DNAI7: variants seen among roughly 807,000 people sequenced by gnomAD.
DNAI7 encodes the protein cancer susceptibility 1.
DNAI7 carries 78 observed loss-of-function variants against 86.6 expected under a neutral mutation model. The observed-to-expected ratio is 0.90, with a 90% CI of 0.75 to 1.09. The LOEUF (loss-of-function observed/expected upper bound fraction) is 1.09, where lower values mean the gene tolerates loss of function less well. DNAI7 is among the 50% of genes least tolerant of loss of function. The probability of loss-of-function intolerance (pLI) is 0.00; values close to 1 mark genes in which losing one functional copy is unlikely to be tolerated. For missense variants in DNAI7, 753 were observed against 810.2 expected (o/e 0.93, Z 0.86); for synonymous variants, 274 against 273.0 (o/e 1.00, Z -0.04).
intron 4 of DNAI7, 138 bp from the exon 5 acceptor site, chr12:25,155,550 A>G (rs759096506): frequency 3.5e-5 from 17 of 486,512 alleles, no homozygotes; most frequent in East Asian, 3.3e-5. Context: ...AATATAACTG[A>G]TATCTCCAAA....
chr12:25,159,186 C>T (rs1946562027), intron 3 of DNAI7, among the ~76,000 whole-genome samples: 1 of 149,462 alleles, frequency 6.7e-6, no homozygotes. Flanking sequence ...AGGAGTGGCT[C>T]CCTTGAGCAC....
At chr12:25,157,693 T>C (rs921511678) in intron 4 of DNAI7, among the ~76,000 whole-genome samples, 1 of 152,246 alleles carries the variant, frequency 6.6e-6, no homozygotes, top group African/African-American at 2.4e-5. Context: ...CACATAAACA[T>C]AAGCTCCTTG....
chr12:25,184,770 C>T (rs575937482), intron 2 of DNAI7, among the ~76,000 whole-genome samples: 1 of 152,260 alleles, frequency 6.6e-6, no homozygotes, highest in South Asian at 2.1e-4. Context: ...ATTCCACTGT[C>T]TGGCTTTCAT....
At position 25,108,586 on chromosome 12, in the gene DNAI7, G is replaced by A. The variant is rs761355620; in HGVS notation, c.2131C>T (p.His711Tyr). The A allele has an allele frequency of 1.9e-6, 3 of 1,613,700 alleles. No homozygotes were observed. Among genetic ancestry groups the A allele is most frequent in the Non-Finnish European group, 2.5e-6 (3 of 1,179,836 alleles). ...SNCQFVNSVC[H>Y]MLLSTRLLSY... ...AGCAATCTGGTAGAGAGCAGCATGT[G>A]GCACACAGAGTTGACAAACTGACAG... Residue 711 changes from histidine to tyrosine, a missense_variant, in exon 16 of 16, where the codon CAC becomes TAC. His to Tyr is a moderately conservative substitution (Grantham distance 83). Coordinates refer to ENST00000395987, the MANE Select transcript of DNAI7 (RefSeq NM_018272.5).
intron 3 of DNAI7, among the ~76,000 whole-genome samples, chr12:25,160,329 AAT>A (rs1946696392): frequency 6.6e-6 from 1 of 152,228 alleles, no homozygotes; most frequent in South Asian, 2.1e-4. Flanking sequence ...TCAAAGAATT[AAT>A]ATGTCAGTAT....
At chr12:25,115,729 G>C (rs1243164146) in intron 12 of DNAI7, among the ~76,000 whole-genome samples, 2 of 152,184 alleles carry the variant, frequency 1.3e-5, no homozygotes, top group African/African-American at 4.8e-5. Flanking sequence ...ATGTAAAATG[G>C]TACGGCTACT....
chr12:25,108,838 A>AAAAAAAAAAAAAAAAAAAC lies in DNAI7; in HGVS notation c.1894-16_1894-15insGTTTTTTTTTTTTTTTTTT. ...TGTTCCCTCACCTAAAAAAAAAAAA[A>AAAAAAAAAAAAAAAAAAAC]ATTCAAGCAAGTTGTTAATAATTCC... is the stretch of plus-strand genomic sequence containing the variant. On this transcript the variant is annotated splice_polypyrimidine_tract_variant and intron_variant, in intron 15 of 15. Transcript: ENST00000395987. The AAAAAAAAAAAAAAAAAAAC allele has an allele frequency of 9.0e-7, 1 of 1,116,152 alleles. No individual in the cohort carries two copies. Among genetic ancestry groups the AAAAAAAAAAAAAAAAAAAC allele is most frequent in the Non-Finnish European group, 1.2e-6 (1 of 816,976 alleles). 69.1% of individuals were successfully genotyped at this position (1,116,152 alleles called of 1,614,324 possible).
intron 9 of DNAI7, among the ~76,000 whole-genome samples, chr12:25,135,106 CACTTGCCACTGCAA>C (rs1407159713): frequency 6.6e-6 from 1 of 152,202 alleles, no homozygotes; most frequent in Non-Finnish European, 1.5e-5. Context: ...CTGAAAGAAG[CACTTGCCACTGCAA>C]ACTCCATGAG....
chr12:25,118,875 G>GT (rs1268783797), intron 12 of DNAI7, among the ~76,000 whole-genome samples: 3 of 152,178 alleles, frequency 2.0e-5, no homozygotes, highest in Non-Finnish European at 4.4e-5. Flanking sequence ...TGTTTCACTC[G>GT]TTTTTTAGAA....
chr12:25,174,887 C>T (rs1948787193), intron 2 of DNAI7, among the ~76,000 whole-genome samples: 1 of 151,364 alleles, frequency 6.6e-6, no homozygotes. Flanking sequence ...TGTATGTTCT[C>T]ACTGATGTGT....
chr12:25,143,738 T>C (rs565638806), intron 9 of DNAI7, among the ~76,000 whole-genome samples: 159 of 152,322 alleles, frequency 1.0e-3, no homozygotes, highest in Non-Finnish European at 1.8e-3. Context: ...CCTCATAACA[T>C]GCAAATAGGC....
intron 2 of DNAI7, among the ~76,000 whole-genome samples, chr12:25,185,340 A>G (rs3924649): frequency 0.4 from 61,203 of 151,936 alleles, 14,228 homozygotes; most frequent in African/African-American, 0.64. Context: ...TGGCAGTCCC[A>G]AAAATCTTAA....
intron 8 of DNAI7, among the ~76,000 whole-genome samples, chr12:25,146,273 TA>T (rs35853537): frequency 0.91 from 134,102 of 147,250 alleles, 62,091 homozygotes; most frequent in South Asian, 0.99. Flanking sequence ...AAAGATACAT[TA>T]AAAAAAAAAA....
chr12:25,157,850 T>TG (rs1466994347), intron 4 of DNAI7, among the ~76,000 whole-genome samples: 14 of 147,120 alleles, frequency 9.5e-5, no homozygotes, highest in African/African-American at 1.5e-4. Context: ...TTTTTTTTTT[T>TG]TTGTTCCTGT....
intron 2 of DNAI7, among the ~76,000 whole-genome samples, chr12:25,175,283 A>G (rs1325759812): frequency 6.6e-6 from 1 of 152,112 alleles, no homozygotes; most frequent in Non-Finnish European, 1.5e-5. Context: ...GAAGAGAAAA[A>G]TCTTTACACA....
intron 9 of DNAI7, among the ~76,000 whole-genome samples, chr12:25,135,527 C>T (rs1943442026): frequency 6.6e-6 from 1 of 152,132 alleles, no homozygotes; most frequent in South Asian, 2.1e-4. Flanking sequence ...GACACAAGCA[C>T]AGAAGCCACA....
chr12:25,114,776 G>C lies in DNAI7; in HGVS notation c.1491C>G (p.Thr497=). The change falls in exon 13 of 16, where the codon ACC becomes ACG. Residue 497 remains threonine (T), a synonymous_variant. Transcript: ENST00000395987. The stretch of plus-strand genomic sequence containing the variant: ...TGTTAATATGAGCATCTTGAATCAA[G>C]GTAACAGGGCCAAAGGTGTCCAGGC... ...TFSLDTFGPV[T]LIQDAHINMP... is the part of the protein sequence containing the mutation. The C allele has an allele frequency of 6.2e-7, 1 of 1,613,964 alleles. No individual in the cohort carries two copies. Among genetic ancestry groups the C allele is most frequent in the Non-Finnish European group, 8.5e-7 (1 of 1,179,910 alleles).
At chr12:25,189,755 AT>A (rs1285526358) in intron 2 of DNAI7, among the ~76,000 whole-genome samples, 1 of 152,208 alleles carries the variant, frequency 6.6e-6, no homozygotes, top group Admixed American at 6.5e-5. Context: ...TAAAGCAGGC[AT>A]TCCAGACCCA....
At chr12:25,115,323 T>C (rs1939848531) in intron 12 of DNAI7, among the ~76,000 whole-genome samples, 1 of 152,242 alleles carries the variant, frequency 6.6e-6, no homozygotes, top group East Asian at 1.9e-4. Flanking sequence ...ATCTTTAATT[T>C]ACCCAGTTGT....
Sources: allele counts gnomAD v4.1 joint callset (sites outside exome capture counted in the v4.1 genomes callset), GRCh38; gene constraint gnomAD v4.1.1; transcripts MANE v1.5; gene names NCBI Gene and HGNC (gene_info 2026-07-23, HGNC 2026-07-21).